Variants in C4orf54 observed in about 807,000 individuals in gnomAD.
The protein encoded by C4orf54 is uncharacterized protein C4orf54.
In C4orf54, 67 loss-of-function variants were observed where a neutral mutation model predicts 80.1. The observed-to-expected ratio is 0.84, with a 90% CI of 0.69 to 1.03. C4orf54 has a LOEUF of 1.03. C4orf54 is among the 50% of genes least tolerant of loss of function. The probability of loss-of-function intolerance (pLI) is 0.00; values close to 1 mark genes in which losing one functional copy is unlikely to be tolerated. For synonymous variants in C4orf54, 1,000 were observed against 917.0 expected (o/e 1.09, Z -1.64); for missense variants, 2,434 against 2,253.5 (o/e 1.08, Z -1.62).
rs1029749349 is a variant in C4orf54, at chr4:99,650,385, C to G, written c.4264G>C (p.Glu1422Gln). Residue 1422 changes from glutamate (E) to glutamine (Q), a missense_variant, in exon 2 of 3, where the codon GAG becomes CAG. Glu to Gln is a conservative substitution (Grantham distance 29). Coordinates refer to ENST00000511828, the MANE Select transcript of C4orf54 (RefSeq NM_001354435.2). ...AGKFPQGPSPESPSAAKGIKS... is the reference protein window; with the variant it reads ...AGKFPQGPSPQSPSAAKGIKS... ...ATGCCCTTAGCTGCTGAAGGACTCT[C>G]CGGAGAAGGCCCTTGTGGGAACTTG... is the stretch of plus-strand genomic sequence containing the variant. The G allele has an allele frequency of 4.6e-6, 7 of 1,536,040 alleles. No individual in the cohort carries two copies. The highest frequency in any genetic ancestry group is 6.1e-6 in the Non-Finnish European group (7 of 1,146,886).
chr4:99,654,750 A>C, intron 1 of C4orf54, 71 bp from the exon 2 acceptor site: 1 of 605,968 alleles, frequency 1.7e-6, no homozygotes, highest in Non-Finnish European at 3.0e-6. Flanking sequence ...TCATATCGAA[A>C]CCACACTTGA....
chr4:99,650,692 C>T lies in C4orf54; in HGVS notation c.3957G>A (p.Val1319=). ...CTTTGTTTCCTGTGCCCCGCTCTTC[C>T]ACCTCACCCAGCCGTTTGGACAGCT... The part of the protein sequence containing the change: ...HDKLSKRLGE[V]EERGTGNKAG... The change falls in exon 2 of 3, where the codon GTG becomes GTA. Residue 1319 remains valine (V), a synonymous_variant. Transcript: ENST00000511828. 1 of 1,536,134 alleles carries T rather than the reference C, an allele frequency of 6.5e-7. No homozygotes were observed. The highest frequency in any genetic ancestry group is 1.2e-5 in the South Asian group (1 of 84,060).
intron 2 of C4orf54, among the ~76,000 whole-genome samples, chr4:99,643,487 T>G (rs189952582): frequency 1.3e-5 from 2 of 152,174 alleles, no homozygotes; most frequent in East Asian, 3.9e-4. Flanking sequence ...CCAAGAAGAT[T>G]TCACCCTTAC....
Position 99,639,815 on chromosome 4 carries a change from A to G in C4orf54, c.*1418T>C, listed in dbSNP as rs971584577. On this transcript the variant is annotated 3_prime_UTR_variant, in exon 3 of 3. Transcript: ENST00000511828. ...TTTACTCACACTTTTTGTCATGAGT[A>G]GCATAAAATTCTGTGGCTTATGAAG... 7 of 152,138 alleles carry G rather than the reference A, an allele frequency of 4.6e-5. No homozygotes were observed. The highest frequency in any genetic ancestry group is 1.7e-4 in the African/African-American group (7 of 41,454). 9.4% of individuals were successfully genotyped at this position (152,138 alleles called of 1,614,324 possible). A position where few individuals can be genotyped will look rare whatever the true frequency, so the allele number is the denominator to read the frequency against.
rs1316580182 is a variant in C4orf54, at chr4:99,649,593, C to T, written c.5056G>A (p.Val1686Met). 41 of 1,535,978 alleles carry T rather than the reference C, an allele frequency of 2.7e-5. No homozygotes were observed. In the East Asian group the frequency reaches 4.9e-4, roughly 18 times the overall value. The change falls in exon 2 of 3, where the codon GTG becomes ATG. Residue 1686 changes from valine (V) to methionine (M), a missense_variant. Physicochemically the swap from Val to Met is conservative, Grantham distance 21. Transcript: ENST00000511828. ...GGCTGCAGAGCATTGGTGGGCAGCA[C>T]GGTAGGCAGAAACCCAGGGTAAATC... ...YMIYPGFLPT[V>M]LPTNALQPTP... is the part of the protein sequence containing the mutation.
In C4orf54 at chr4:99,650,641, G is replaced by A; in HGVS notation, c.4008C>T (p.Pro1336=). 2.0e-6 allele frequency: 3 copies of A among 1,536,036 alleles called. No homozygotes were observed. Among genetic ancestry groups the A allele is most frequent in the Non-Finnish European group, 2.6e-6 (3 of 1,146,898 alleles). Residue 1336 remains proline (P), a synonymous_variant, in exon 2 of 3, where the codon CCC becomes CCT. Coordinates refer to ENST00000511828, the MANE Select transcript of C4orf54 (RefSeq NM_001354435.2). ...NKAGVVLRGA[P]IERLQRRNSN... is the part of the protein sequence containing the mutation. Reference sequence around the variant, plus strand: ...AGTTTCTCCGCTGCAGACGTTCTATGGGGGCCCCTCGCAGGACCACACCAG... The same window carrying A: ...AGTTTCTCCGCTGCAGACGTTCTATAGGGGCCCCTCGCAGGACCACACCAG...
chr4:99,653,002 T>G lies in C4orf54; in HGVS notation c.1647A>C (p.Glu549Asp). 6.5e-7 allele frequency: 1 copy of G among 1,536,174 alleles called. No homozygotes were observed. Among genetic ancestry groups the G allele is most frequent in the Admixed American group, 2.0e-5 (1 of 51,010 alleles). The change falls in exon 2 of 3, where the codon GAA (glutamate) becomes GAC (aspartate). Residue 549 changes from glutamate to aspartate, a missense_variant. Transcript: ENST00000511828. Reference protein sequence around the residue: ...KQNIIYAAKHEGDMSLRVSTA... With the variant: ...KQNIIYAAKHDGDMSLRVSTA... ...TAGAGACGCGGAGGCTCATGTCGCC[T>G]TCATGCTTGGCAGCATAAATAATGT...
Position 99,650,774 on chromosome 4 carries a change from G to T in C4orf54, c.3875C>A (p.Ser1292Ter), listed in dbSNP as rs372988876. The change falls in exon 2 of 3, where the codon TCG becomes TAG. Residue 1292 changes from serine to a stop codon, truncating the protein, a stop_gained. Transcript: ENST00000511828. LOFTEE classifies it high-confidence loss of function. ...LPMMMDSHVL[S>*]LIASEEREGV... Reference sequence around the variant, plus strand: ...TTCCCTCTCCTCACTGGCAATGAGCGACAGCACGTGGCTGTCCATCATCAT... The same window carrying T: ...TTCCCTCTCCTCACTGGCAATGAGCTACAGCACGTGGCTGTCCATCATCAT... 3.9e-6 allele frequency: 6 copies of T among 1,536,124 alleles called. No homozygotes were observed. In the South Asian group the frequency reaches 7.1e-5, roughly 18 times the overall value.
Position 99,653,705 on chromosome 4 carries a change from C to A in C4orf54, c.944G>T (p.Cys315Phe). The A allele has an allele frequency of 6.5e-7, 1 of 1,531,656 alleles. No individual in the cohort carries two copies. Among genetic ancestry groups the A allele is most frequent in the Non-Finnish European group, 8.7e-7 (1 of 1,144,154 alleles). The allele number at this position is 1,531,656 out of a possible 1,614,324, so 94.9% of individuals were successfully genotyped here. The part of the protein sequence containing the change: ...FESESGESEG[C>F]QAVGGEGEKI... ...CTCTCCTTCTCCTCCCACGGCCTGGCAACCTTCACTTTCACCACTCTCACT... is the reference window on the plus strand; with the variant it reads ...CTCTCCTTCTCCTCCCACGGCCTGGAAACCTTCACTTTCACCACTCTCACT... Residue 315 changes from cysteine to phenylalanine, a missense_variant, in exon 2 of 3, where the codon TGC becomes TTC. By Grantham distance (205) the Cys-to-Phe change is radical. Transcript: ENST00000511828.
chr4:99,642,099 C>G (rs552547666), intron 2 of C4orf54, among the ~76,000 whole-genome samples: 7 of 152,240 alleles, frequency 4.6e-5, no homozygotes, highest in Non-Finnish European at 1.0e-4. Flanking sequence ...TATGTATACA[C>G]TCCATGTTTA....
rs774265595 is a variant in C4orf54, at chr4:99,651,745, T to C, written c.2904A>G (p.Lys968=). 1.3e-6 allele frequency: 2 copies of C among 1,536,074 alleles called. No individual in the cohort carries two copies. Among genetic ancestry groups the C allele is most frequent in the South Asian group, 2.4e-5 (2 of 84,052 alleles). ...QAPIGKLKLP[K]GGDWRADLGE... Reference sequence around the variant, plus strand: ...CGAGATCAGCCCGCCAGTCGCCTCCTTTGGGCAGCTTCAGCTTCCCTATAG... The same window carrying C: ...CGAGATCAGCCCGCCAGTCGCCTCCCTTGGGCAGCTTCAGCTTCCCTATAG... Residue 968 remains lysine, a synonymous_variant, in exon 2 of 3, where the codon AAA becomes AAG. Coordinates refer to ENST00000511828, the MANE Select transcript of C4orf54 (RefSeq NM_001354435.2).
chr4:99,653,104 T>A lies in C4orf54; in HGVS notation c.1545A>T (p.Ala515=), dbSNP rs1256634579. 1 of 1,536,274 alleles carries A rather than the reference T, an allele frequency of 6.5e-7. No homozygotes were observed. Among genetic ancestry groups the A allele is most frequent in the South Asian group, 1.2e-5 (1 of 84,060 alleles). ...TGATTGATAGGAGGATCTGGCTTGC[T>A]GCACTCCCACAGCTGCTTGCGGCGG... ...AAAAASSCGS[A]ASQILLSIKP... The change falls in exon 2 of 3, where the codon GCA becomes GCT. Residue 515 remains alanine, a synonymous_variant. Transcript: ENST00000511828.
chr4:99,647,758 A>T (rs1726724550), intron 2 of C4orf54, among the ~76,000 whole-genome samples: 1 of 152,222 alleles, frequency 6.6e-6, no homozygotes, highest in Non-Finnish European at 1.5e-5. Flanking sequence ...CTTGCAATAC[A>T]TTGTTATATC....
chr4:99,640,550 A>G lies in C4orf54; in HGVS notation c.*683T>C, dbSNP rs1336544007. On this transcript the variant is annotated 3_prime_UTR_variant, in exon 3 of 3. Transcript: ENST00000511828. ...CAAGCCATTCTATTTTAAGGCAACA[A>G]ATAGTGTCGTGGCATTGTACAAATG... The G allele has an allele frequency of 6.6e-6, 1 of 152,208 alleles. No individual in the cohort carries two copies. Among genetic ancestry groups the G allele is most frequent in the Non-Finnish European group, 1.5e-5 (1 of 68,006 alleles). 9.4% of individuals were successfully genotyped at this position (152,208 alleles called of 1,614,324 possible). A position where few individuals can be genotyped will look rare whatever the true frequency, so the allele number is the denominator to read the frequency against.
In C4orf54 at chr4:99,650,644, G is replaced by T. The variant is rs1030210223; in HGVS notation, c.4005C>A (p.Ala1335=). ...TTCTCCGCTGCAGACGTTCTATGGG[G>T]GCCCCTCGCAGGACCACACCAGCTT... The part of the protein sequence containing the change: ...GNKAGVVLRG[A]PIERLQRRNS... The change falls in exon 2 of 3, where the codon GCC becomes GCA. Residue 1335 remains alanine (A), a synonymous_variant. Coordinates refer to ENST00000511828, the MANE Select transcript of C4orf54 (RefSeq NM_001354435.2). The T allele has an allele frequency of 3.9e-6, 6 of 1,535,918 alleles. No individual in the cohort carries two copies. The African/African-American group carries it at 6.8e-5, about 18-fold the overall frequency.
Position 99,652,293 on chromosome 4 carries a change from C to T in C4orf54, c.2356G>A (p.Asp786Asn), listed in dbSNP as rs527426372. The T allele has an allele frequency of 2.0e-6, 3 of 1,535,950 alleles. No individual in the cohort carries two copies. Among genetic ancestry groups the T allele is most frequent in the South Asian group, 1.2e-5 (1 of 84,024 alleles). ...CTGCCCTCGGAGGTCTCGGAGCCGT[C>T]GTCCGTGTATGCCGACCCGGGACCC... ...GKGPGSAYTD[D>N]GSETSEGSKP... The change falls in exon 2 of 3, where the codon GAC becomes AAC. Residue 786 changes from aspartate to asparagine, a missense_variant. Transcript: ENST00000511828.
rs1726520265 is a variant in C4orf54 at position 99,637,203 on chromosome 4, A to G, written c.*4030T>C. ...AACTTAAAAAAAGAAAAAGAAATCA[A>G]ATCAGATGTGTGTGTTTTATTCTGC... On this transcript the variant is annotated 3_prime_UTR_variant, in exon 3 of 3. Coordinates refer to ENST00000511828, the MANE Select transcript of C4orf54 (RefSeq NM_001354435.2). The G allele has an allele frequency of 6.6e-6, 1 of 152,224 alleles. No individual in the cohort carries two copies. The highest frequency in any genetic ancestry group is 1.5e-5 in the Non-Finnish European group (1 of 68,038). 9.4% of individuals were successfully genotyped at this position (152,224 alleles called of 1,614,324 possible).
At chr4:99,649,197 C>G (rs1459270929) in intron 2 of C4orf54, 34 bp downstream of exon 2, 2 of 1,444,760 alleles carry the variant, frequency 1.4e-6, no homozygotes, top group Non-Finnish European at 1.8e-6. Context: ...TTCTTACTCT[C>G]TTAAACCTGA....
rs1198702596 is a variant in C4orf54, at chr4:99,653,784, A to G, written c.865T>C (p.Ser289Pro). The change falls in exon 2 of 3, where the codon TCC (serine) becomes CCC (proline). Residue 289 changes from serine (S) to proline (P), a missense_variant. Ser to Pro is a moderately conservative substitution (Grantham distance 74, BLOSUM62 -1). Transcript: ENST00000511828. The part of the protein sequence containing the change: ...EEDGLSKMED[S>P]TTSTGALATS... Reference sequence around the variant, plus strand: ...GCCAGAGCCCCTGTGGATGTGGTGGAGTCCTCCATTTTGGAAAGGCCATCC... The same window carrying G: ...GCCAGAGCCCCTGTGGATGTGGTGGGGTCCTCCATTTTGGAAAGGCCATCC... 1 of 1,536,104 alleles carries G rather than the reference A, an allele frequency of 6.5e-7. No homozygotes were observed. Among genetic ancestry groups the G allele is most frequent in the Admixed American group, 2.0e-5 (1 of 51,002 alleles).
Sources: allele counts gnomAD v4.1 joint callset (sites outside exome capture counted in the v4.1 genomes callset), GRCh38; gene constraint gnomAD v4.1.1; transcripts MANE v1.5; gene names NCBI Gene and HGNC (gene_info 2026-07-23, HGNC 2026-07-21).